Variants in TBC1D5 observed in about 807,000 individuals in gnomAD.
TBC1D5 encodes TBC1 domain family, member 5.
Under a neutral mutation model 100.3 loss-of-function variants are expected in TBC1D5, and 75 were observed. The observed-to-expected ratio is 0.75, with a 90% confidence interval of 0.62 to 0.91. The LOEUF is 0.91. Ranked by LOEUF, TBC1D5 falls within the 40% of genes least tolerant of loss-of-function variation. The pLI is 0.00. For missense variants in TBC1D5, 910 were observed against 942.4 expected (o/e 0.97, Z 0.45); for synonymous variants, 323 against 325.6 (o/e 0.99, Z 0.09).
intron 15 of TBC1D5, among the ~76,000 whole-genome samples, chr3:17,273,214 C>A (rs938998168): frequency 2.0e-5 from 3 of 152,180 alleles, no homozygotes; most frequent in East Asian, 1.9e-4. Flanking sequence ...AATTATAATT[C>A]TGTCTTCTTA....
At chr3:17,375,116 T>G (rs1223040265) in intron 10 of TBC1D5, among the ~76,000 whole-genome samples, 1 of 152,178 alleles carries the variant, frequency 6.6e-6, no homozygotes, top group Non-Finnish European at 1.5e-5. Context: ...CAACACCTCT[T>G]AAGCATTTAT....
intron 3 of TBC1D5, among the ~76,000 whole-genome samples, chr3:17,494,905 G>C (rs1410286971): frequency 6.6e-6 from 1 of 152,184 alleles, no homozygotes; most frequent in African/African-American, 2.4e-5. Flanking sequence ...GGTGGCATGG[G>C]CTCATGAGGG....
intron 2 of TBC1D5, among the ~76,000 whole-genome samples, chr3:17,569,154 C>T (rs1422698173): frequency 6.6e-6 from 1 of 151,822 alleles, no homozygotes; most frequent in East Asian, 1.9e-4. Context: ...ATCTAAAAAT[C>T]TGCAAACAGA....
chr3:17,671,361 G>T (rs539612375), intron 1 of TBC1D5, among the ~76,000 whole-genome samples: 1 of 152,148 alleles, frequency 6.6e-6, no homozygotes, highest in East Asian at 1.9e-4. Context: ...AGTGACTCTG[G>T]ACAGCAAACC....
At chr3:17,600,029 T>C (rs766175059) in intron 2 of TBC1D5, among the ~76,000 whole-genome samples, 2 of 152,228 alleles carry the variant, frequency 1.3e-5, no homozygotes, top group Non-Finnish European at 2.9e-5. Context: ...TTTATAACGG[T>C]AAATAATTTG....
chr3:17,640,046 C>G (rs2064344430), intron 1 of TBC1D5, among the ~76,000 whole-genome samples: 1 of 152,134 alleles, frequency 6.6e-6, no homozygotes, highest in African/African-American at 2.4e-5. Context: ...CAGCCCCCTT[C>G]ACCTCTACAG....
intron 1 of TBC1D5, among the ~76,000 whole-genome samples, chr3:17,713,247 T>C (rs2074922056): frequency 6.7e-6 from 1 of 149,908 alleles, no homozygotes; most frequent in East Asian, 1.9e-4. Flanking sequence ...TTCTTTTCTT[T>C]TTTTTTTTTT....
intron 13 of TBC1D5, among the ~76,000 whole-genome samples, chr3:17,342,326 C>G (rs757464732): frequency 7.2e-5 from 11 of 152,258 alleles, no homozygotes; most frequent in African/African-American, 1.4e-4. Context: ...TTGCTTGAAC[C>G]ACTTCCTGAT....
At chr3:17,465,134 A>T (rs1010183917) in intron 3 of TBC1D5, 1 of 152,288 alleles carries the variant, frequency 6.6e-6, no homozygotes, top group African/African-American at 2.4e-5. Flanking sequence ...CACACCCCCA[A>T]CGTGGGCCCA....
intron 16 of TBC1D5, among the ~76,000 whole-genome samples, chr3:17,255,076 G>C (rs1188052806): frequency 6.6e-6 from 1 of 152,182 alleles, no homozygotes. Flanking sequence ...GCCATGAACT[G>C]AGTTGAAATC....
chr3:17,296,591 T>C (rs1463443099), intron 14 of TBC1D5, among the ~76,000 whole-genome samples: 1 of 152,240 alleles, frequency 6.6e-6, no homozygotes, highest in African/African-American at 2.4e-5. Context: ...TCTTCAGTTT[T>C]GGAGAAAGCC....
intron 14 of TBC1D5, among the ~76,000 whole-genome samples, chr3:17,297,392 C>T (rs1009033994): frequency 5.3e-5 from 8 of 151,902 alleles, no homozygotes; most frequent in African/African-American, 1.5e-4. Flanking sequence ...CTGGCTAACA[C>T]GGTAAAATCC....
In TBC1D5 at chr3:17,379,984, C is replaced by T. The variant is rs143125415; in HGVS notation, c.613-3371G>A. 2.1e-3 allele frequency among the ~76,000 whole-genome samples: 324 copies of T among 150,764 alleles called. 8 individuals carry two copies. The East Asian group carries it at 0.046, about 21-fold the overall frequency. Reference sequence around the variant, plus strand: ...CAGAAAGTGAAACTGCAGGTAAGGGCGAACTACTGTACTGTACTGTACTGC... The same window carrying T: ...CAGAAAGTGAAACTGCAGGTAAGGGTGAACTACTGTACTGTACTGTACTGC... On this transcript the variant is annotated intron_variant, in intron 9 of 21. Transcript: ENST00000253692.
At chr3:17,658,151 C>T (rs974872123) in intron 1 of TBC1D5, among the ~76,000 whole-genome samples, 3 of 152,178 alleles carry the variant, frequency 2.0e-5, no homozygotes, top group African/African-American at 7.2e-5. Context: ...TGTATAAGTA[C>T]ATTCTATGAT....
At chr3:17,396,963 G>C (rs2093523458) in intron 8 of TBC1D5, among the ~76,000 whole-genome samples, 1 of 152,040 alleles carries the variant, frequency 6.6e-6, no homozygotes, top group African/African-American at 2.4e-5. Context: ...AGAACTTTCT[G>C]TAAGAATGGA....
At chr3:17,559,147 A>G (rs547647787) in intron 2 of TBC1D5, among the ~76,000 whole-genome samples, 15 of 150,062 alleles carry the variant, frequency 1.0e-4, no homozygotes, top group African/African-American at 3.5e-4. Context: ...ATATAAATGT[A>G]AAACTTTTTT....
At chr3:17,317,533 T>C (rs1358614038) in intron 13 of TBC1D5, among the ~76,000 whole-genome samples, 3 of 152,210 alleles carry the variant, frequency 2.0e-5, no homozygotes, top group African/African-American at 7.2e-5. Context: ...AAGGAGGGGA[T>C]TGGCTCCTCC....
chr3:17,563,363 T>C (rs1303541458), intron 2 of TBC1D5, among the ~76,000 whole-genome samples: 2 of 152,076 alleles, frequency 1.3e-5, no homozygotes, highest in African/African-American at 2.4e-5. Flanking sequence ...ACTGAAGTCA[T>C]AGACACAGAC....
At chr3:17,702,650 G>A (rs966589551) in intron 1 of TBC1D5, among the ~76,000 whole-genome samples, 9 of 151,562 alleles carry the variant, frequency 5.9e-5, no homozygotes, top group African/African-American at 2.2e-4. Flanking sequence ...TAAACTAAAC[G>A]AAATGATGCA....
Sources: allele counts gnomAD v4.1 joint callset (sites outside exome capture counted in the v4.1 genomes callset), GRCh38; gene constraint gnomAD v4.1.1; transcripts MANE v1.5; gene names NCBI Gene and HGNC (gene_info 2026-07-23, HGNC 2026-07-21).